The following IGF1R variants were observed in gnomAD, a reference collection of about 807,000 sequenced individuals.
IGF1R encodes insulin like growth factor 1 receptor.
A neutral mutation model predicts 144.6 loss-of-function variants in IGF1R; 44 were observed. The ratio of observed to expected loss-of-function variants is 0.30; its 90% CI spans 0.24 to 0.39. IGF1R has a LOEUF of 0.39. Among genes scored for constraint, IGF1R ranks in the 10% least tolerant of loss-of-function variants. The pLI is 1.00. For missense variants in IGF1R, 1,355 were observed against 1,833.7 expected (o/e 0.74, Z 4.77); for synonymous variants, 795 against 722.8 (o/e 1.10, Z -1.60).
chr15:98,709,938 C>T (rs928843968), intron 2 of IGF1R, among the ~76,000 whole-genome samples: 5 of 152,108 alleles, frequency 3.3e-5, no homozygotes, highest in Non-Finnish European at 7.4e-5. Context: ...ATTGAAGACC[C>T]CTGGGGTAGG....
At chr15:98,782,718 T>C (rs574624315) in intron 2 of IGF1R, among the ~76,000 whole-genome samples, 1 of 152,366 alleles carries the variant, frequency 6.6e-6, no homozygotes, top group African/African-American at 2.4e-5. Flanking sequence ...TAAACGTGTC[T>C]TGGGTATGCA....
At position 98,922,222 on chromosome 15, in the gene IGF1R, C is replaced by G. The variant is rs751145913; in HGVS notation, c.2276C>G (p.Ala759Gly). The G allele has an allele frequency of 1.6e-5, 26 of 1,614,078 alleles. No individual in the cohort carries two copies. Among genetic ancestry groups the G allele is most frequent in the Non-Finnish European group, 2.1e-5 (25 of 1,180,032 alleles). Residue 759 changes from alanine to glycine, a missense_variant, in exon 11 of 21, where the codon GCC (alanine) becomes GGC (glycine). By Grantham distance (60) the Ala-to-Gly change is moderately conservative (BLOSUM62 0). Around this residue, in one of 7 missense-constraint regions of IGF1R, gnomAD observed 880 missense variants for 1,202.7 expected, o/e 0.73. Transcript: ENST00000650285. ...TMSSRSRNTT[A>G]ADTYNITDPE... ...TCCAGCCGAAGCAGGAACACCACGG[C>G]CGCAGACACCTACAACATCACCGAC...
intron 2 of IGF1R, among the ~76,000 whole-genome samples, chr15:98,825,576 C>T (rs113761261): frequency 1.4e-4 from 22 of 152,294 alleles, no homozygotes; most frequent in African/African-American, 5.3e-4. Flanking sequence ...TGCAGGGAAT[C>T]TCAGTAATGC....
chr15:98,661,664 ACT>A (rs2052601465), intron 1 of IGF1R, among the ~76,000 whole-genome samples: 1 of 152,032 alleles, frequency 6.6e-6, no homozygotes, highest in South Asian at 2.1e-4. Flanking sequence ...CAAACAATTC[ACT>A]GTCTCCCTCT....
intron 20 of IGF1R, among the ~76,000 whole-genome samples, chr15:98,949,942 T>C (rs1185022384): frequency 6.6e-6 from 1 of 152,144 alleles, no homozygotes; most frequent in Non-Finnish European, 1.5e-5. Context: ...AGTTCAGTCA[T>C]CAGGCGCACA....
intron 1 of IGF1R, among the ~76,000 whole-genome samples, chr15:98,673,873 C>T (rs2052963387): frequency 6.6e-6 from 1 of 152,184 alleles, no homozygotes; most frequent in East Asian, 1.9e-4. Flanking sequence ...CATCTTTTTC[C>T]CTGTTCCTTT....
chr15:98,778,276 G>T (rs769894278), intron 2 of IGF1R, among the ~76,000 whole-genome samples: 3 of 152,156 alleles, frequency 2.0e-5, no homozygotes, highest in African/African-American at 4.8e-5. Flanking sequence ...AAGCTTTGAG[G>T]CATGTTCTAT....
intron 2 of IGF1R, among the ~76,000 whole-genome samples, chr15:98,710,201 C>G (rs1022984336): frequency 6.6e-6 from 1 of 152,166 alleles, no homozygotes; most frequent in African/African-American, 2.4e-5. Context: ...TTCCCCAAGG[C>G]CACGCCCTGC....
intron 2 of IGF1R, among the ~76,000 whole-genome samples, chr15:98,793,684 A>G (rs912528314): frequency 6.6e-6 from 1 of 152,226 alleles, no homozygotes; most frequent in Admixed American, 6.5e-5. Context: ...ACTCTGATGC[A>G]TAATATTTTA....
At chr15:98,792,908 T>G (rs560785012) in intron 2 of IGF1R, among the ~76,000 whole-genome samples, 1 of 152,358 alleles carries the variant, frequency 6.6e-6, no homozygotes, top group Admixed American at 6.5e-5. Context: ...AACTGGATGT[T>G]TCTATGCGCT....
intron 2 of IGF1R, among the ~76,000 whole-genome samples, chr15:98,883,830 C>T (rs1484931483): frequency 6.6e-6 from 1 of 152,134 alleles, no homozygotes; most frequent in Non-Finnish European, 1.5e-5. Context: ...GGCACACAGG[C>T]TTCCTAGGCA....
intron 8 of IGF1R, among the ~76,000 whole-genome samples, chr15:98,914,924 C>T (rs530823587): frequency 3.9e-5 from 6 of 152,312 alleles, no homozygotes; most frequent in South Asian, 2.1e-4. Context: ...GTTGTGTTTT[C>T]TCTGAAAACG....
chr15:98,717,577 G>A (rs2054148673), intron 2 of IGF1R, among the ~76,000 whole-genome samples: 1 of 152,170 alleles, frequency 6.6e-6, no homozygotes, highest in African/African-American at 2.4e-5. Context: ...TATCTTTACA[G>A]AACATTCAGC....
At chr15:98,898,692 C>G (rs575621351) in intron 4 of IGF1R, among the ~76,000 whole-genome samples, 11 of 152,192 alleles carry the variant, frequency 7.2e-5, no homozygotes, top group African/African-American at 2.6e-4. Flanking sequence ...CAGTAAAATC[C>G]CATTAATTGG....
At position 98,935,397 on chromosome 15, in the gene IGF1R, T is replaced by C; in HGVS notation, c.3268T>C (p.Tyr1090His). 1 of 1,551,196 alleles carries C rather than the reference T, an allele frequency of 6.4e-7. No individual in the cohort carries two copies. Among genetic ancestry groups the C allele is most frequent in the Non-Finnish European group, 8.7e-7 (1 of 1,146,504 alleles). ...ELMTRGDLKS[Y>H]LRSLRPEMEN... ...GATGACACGGGGCGATCTCAAAAGTTATCTCCGGTCTCTGAGGCCAGAAAT... is the reference window on the plus strand; with the variant it reads ...GATGACACGGGGCGATCTCAAAAGTCATCTCCGGTCTCTGAGGCCAGAAAT... Residue 1090 changes from tyrosine (Y) to histidine (H), a missense_variant, in exon 17 of 21, where the codon TAT becomes CAT. Tyr to His is a moderately conservative substitution (Grantham distance 83, BLOSUM62 2). Around this residue, in one of 7 missense-constraint regions of IGF1R, gnomAD observed 45 missense variants for 43.5 expected, o/e 1.03. Transcript: ENST00000650285. This position sits in a 1 kb window ranked among gnomAD's most constrained non-coding sequence, Gnocchi z 4.2.
chr15:98,837,234 G>A (rs1324133295), intron 2 of IGF1R, among the ~76,000 whole-genome samples: 3 of 151,982 alleles, frequency 2.0e-5, no homozygotes, highest in Non-Finnish European at 2.9e-5. Context: ...TGCCCCACCA[G>A]TTTTGTTTGT....
chr15:98,790,349 T>G (rs921886327), intron 2 of IGF1R, among the ~76,000 whole-genome samples: 2 of 152,212 alleles, frequency 1.3e-5, no homozygotes, highest in Non-Finnish European at 2.9e-5. Flanking sequence ...CTCCCTCTTC[T>G]TACAAGTGAT....
At chr15:98,667,076 C>G (rs760243408) in intron 1 of IGF1R, among the ~76,000 whole-genome samples, 5 of 151,840 alleles carry the variant, frequency 3.3e-5, no homozygotes, top group Admixed American at 1.3e-4. Flanking sequence ...TGAAAAAAAA[C>G]GCAGGTTTGA....
intron 1 of IGF1R, among the ~76,000 whole-genome samples, chr15:98,666,153 G>A (rs530902784): frequency 6.6e-6 from 1 of 152,298 alleles, no homozygotes; most frequent in East Asian, 1.9e-4. Context: ...TGAAATGTAA[G>A]TCAGACCCAC....
Sources: gnomAD v4.1 joint callset for allele counts (sites outside exome capture counted in the v4.1 genomes callset) on GRCh38, gnomAD v4.1.1 for gene constraint, gnomAD v4.1.1 regional missense constraint, Gnocchi (gnomAD v3.1) non-coding constraint, MANE v1.5 for transcripts, NCBI Gene and HGNC (gene_info 2026-07-23, HGNC 2026-07-21) for gene names.